OR7E24: variants seen among roughly 807,000 people sequenced by gnomAD.
The protein encoded by OR7E24 is olfactory receptor family 7 subfamily E member 24, also known as olfactory receptor 7E24.
For missense variants in OR7E24, 385 were observed against 410.3 expected, an observed-to-expected ratio of 0.94 and a Z score of 0.53; for synonymous variants, 130 against 157.5, an observed-to-expected ratio of 0.83 and a Z score of 1.31.
the OR7E24 span, among the ~76,000 whole-genome samples, chr19:9,228,809 G>A: frequency 6.6e-6 from 1 of 152,192 alleles, no homozygotes; most frequent in African/African-American, 2.4e-5. Flanking sequence ...TTCTAGTGAT[G>A]CAAGATTAAT....
chr19:9,219,571 C>T, the OR7E24 span: 4 of 152,286 alleles, frequency 2.6e-5, no homozygotes, highest in East Asian at 1.9e-4. Flanking sequence ...CTCTTCTACA[C>T]GATCTGTTCC....
the OR7E24 span, among the ~76,000 whole-genome samples, chr19:9,216,207 G>A: frequency 1.3e-5 from 2 of 152,236 alleles, no homozygotes; most frequent in Admixed American, 1.3e-4. Context: ...GCACCCCACA[G>A]TCATCATGAA....
At chr19:9,219,764 A>G in the OR7E24 span, among the ~76,000 whole-genome samples, 1 of 152,226 alleles carries the variant, frequency 6.6e-6, no homozygotes, top group African/African-American at 2.4e-5. Flanking sequence ...TTGAGTAGTA[A>G]GAAGATGATA....
chr19:9,232,205 G>C, the OR7E24 span, among the ~76,000 whole-genome samples: 1 of 152,038 alleles, frequency 6.6e-6, no homozygotes, highest in African/African-American at 2.4e-5. Flanking sequence ...GTTCAACATG[G>C]AGGCTCCATC....
At chr19:9,215,696 C>A in the OR7E24 span, among the ~76,000 whole-genome samples, 3 of 152,164 alleles carry the variant, frequency 2.0e-5, no homozygotes, top group African/African-American at 7.2e-5. Context: ...GGAATATCAA[C>A]AAATGATAGC....
At chr19:9,222,221 C>T in the OR7E24 span, among the ~76,000 whole-genome samples, 9 of 152,146 alleles carry the variant, frequency 5.9e-5, no homozygotes, top group Admixed American at 1.3e-4. Context: ...GATATTACAG[C>T]TTTGTCAAAT....
the OR7E24 span, among the ~76,000 whole-genome samples, chr19:9,216,482 C>T: frequency 8.9e-4 from 136 of 152,302 alleles, 2 homozygotes; most frequent in East Asian, 1.9e-4. Flanking sequence ...GTAGTAAATA[C>T]TCCCTATGTG....
upstream of OR7E24, among the ~76,000 whole-genome samples, chr19:9,246,456 C>T (rs928958884): frequency 1.4e-5 from 2 of 141,268 alleles, no homozygotes; most frequent in African/African-American, 5.4e-5. Flanking sequence ...CTTATTTACC[C>T]TTAAAGGTAT....
chr19:9,235,968 A>C, the OR7E24 span: 1 of 1,609,822 alleles, frequency 6.2e-7, no homozygotes, highest in Non-Finnish European at 8.5e-7. Context: ...CCATGGCCTC[A>C]GTGATGTACG....
the OR7E24 span, among the ~76,000 whole-genome samples, chr19:9,218,680 A>T: frequency 1.3e-3 from 201 of 152,144 alleles, no homozygotes; most frequent in Non-Finnish European, 2.1e-3. Flanking sequence ...CCTGGGCTGG[A>T]GTGCGGGGTG....
At chr19:9,220,319 T>C in the OR7E24 span, among the ~76,000 whole-genome samples, 1 of 152,178 alleles carries the variant, frequency 6.6e-6, no homozygotes, top group Non-Finnish European at 1.5e-5. Context: ...TTGTATTCTT[T>C]TACTAACATC....
chr19:9,218,350 G>T, the OR7E24 span, among the ~76,000 whole-genome samples: 1 of 152,142 alleles, frequency 6.6e-6, no homozygotes, highest in Non-Finnish European at 1.5e-5. Context: ...TTTAATGTAA[G>T]AATGTCTGCA....
At chr19:9,235,869 A>T in the OR7E24 span, 1 of 1,608,194 alleles carries the variant, frequency 6.2e-7, no homozygotes, top group Admixed American at 1.7e-5. Flanking sequence ...CCACCTGTGG[A>T]TCTCACCTCT....
At chr19:9,219,268 G>A in the OR7E24 span, 3 of 152,184 alleles carry the variant, frequency 2.0e-5, no homozygotes, top group Non-Finnish European at 4.4e-5. Context: ...TTCAACAGGA[G>A]ACTAAAGTTT....
the OR7E24 span, chr19:9,214,058 C>G: frequency 1.6e-5 from 26 of 1,614,132 alleles, no homozygotes; most frequent in East Asian, 1.8e-4. Context: ...CAGCAGAACT[C>G]AGATAGACCC....
chr19:9,230,147 C>T, the OR7E24 span, among the ~76,000 whole-genome samples: 9 of 151,722 alleles, frequency 5.9e-5, no homozygotes, highest in Admixed American at 1.3e-4. Context: ...TGGGTTCAAG[C>T]GATTCTCCTG....
the OR7E24 span, among the ~76,000 whole-genome samples, chr19:9,221,504 C>T: frequency 6.8e-6 from 1 of 146,934 alleles, no homozygotes; most frequent in African/African-American, 2.6e-5. Flanking sequence ...GCGCCTGCCA[C>T]GACGCCCGGC....
At chr19:9,244,564 G>C (rs2066124257), upstream of OR7E24, among the ~76,000 whole-genome samples, 2 of 152,078 alleles carry the variant, frequency 1.3e-5, no homozygotes, top group South Asian at 4.2e-4. Flanking sequence ...ATGGATCAAA[G>C]GCCTAAACCT....
chr19:9,244,088 A>T (rs900454755), upstream of OR7E24, among the ~76,000 whole-genome samples: 1 of 152,200 alleles, frequency 6.6e-6, no homozygotes, highest in African/African-American at 2.4e-5. Flanking sequence ...CTGGCAAAAT[A>T]AAAAATCTGT....
Sources: allele counts gnomAD v4.1 joint callset (sites outside exome capture counted in the v4.1 genomes callset), GRCh38; gene constraint gnomAD v4.1.1; transcripts MANE v1.5; gene names NCBI Gene and HGNC (gene_info 2026-07-23, HGNC 2026-07-21).